BLTP1: variants seen among roughly 807,000 people sequenced by gnomAD.
The protein encoded by BLTP1 is fragile site-associated protein.
At chr4:122,357,928 A>C in the BLTP1 span, among the ~76,000 whole-genome samples, 1 of 152,212 alleles carries the variant, frequency 6.6e-6, no homozygotes, top group Admixed American at 6.6e-5. Context: ...CATACATTGA[A>C]ATGCTCTTTT....
At chr4:122,336,395 G>A in the BLTP1 span, 1 of 1,342,236 alleles carries the variant, frequency 7.5e-7, no homozygotes, top group South Asian at 1.6e-5. Context: ...CATATATTTT[G>A]GGATCTTATT....
chr4:122,237,523 G>GT, the BLTP1 span: 1 of 448,290 alleles, frequency 2.2e-6, no homozygotes, highest in Non-Finnish European at 2.9e-6. Flanking sequence ...CTTAAAATAA[G>GT]TAAATCCGAA....
chr4:122,269,893 A>G, the BLTP1 span, among the ~76,000 whole-genome samples: 8 of 152,244 alleles, frequency 5.3e-5, no homozygotes, highest in African/African-American at 1.9e-4. Flanking sequence ...TGCAGTGCCC[A>G]TGTCAGGCTT....
At chr4:122,190,178 C>T in the BLTP1 span, 1 of 1,418,274 alleles carries the variant, frequency 7.1e-7, no homozygotes, top group Non-Finnish European at 9.5e-7. Context: ...TCCACTATAC[C>T]CTTGACCTTC....
the BLTP1 span, among the ~76,000 whole-genome samples, chr4:122,178,656 C>T: frequency 6.6e-6 from 1 of 152,078 alleles, no homozygotes; most frequent in African/African-American, 2.4e-5. Context: ...ATTGTAAGAT[C>T]CTCCTCAACA....
the BLTP1 span, chr4:122,200,226 GATAA>G: frequency 8.1e-6 from 8 of 984,474 alleles, no homozygotes; most frequent in Non-Finnish European, 9.6e-6. Flanking sequence ...ATCTATTGCT[GATAA>G]ATAGTGCTGT....
chr4:122,217,155 T>TATTTGA, the BLTP1 span, among the ~76,000 whole-genome samples: 7 of 152,232 alleles, frequency 4.6e-5, no homozygotes, highest in African/African-American at 1.7e-4. Context: ...TGGCTGCAAG[T>TATTTGA]ATTTGGCTCC....
At chr4:122,247,114 ATTAT>A in the BLTP1 span, 2 of 1,568,928 alleles carry the variant, frequency 1.3e-6, no homozygotes, top group Admixed American at 3.4e-5. Context: ...TCTGAACTGT[ATTAT>A]TTAAATGTTA....
chr4:122,188,974 G>A, the BLTP1 span: 1 of 985,180 alleles, frequency 1.0e-6, no homozygotes, highest in South Asian at 4.7e-5. Context: ...GTGACTGTGG[G>A]TCTTCCTGGC....
the BLTP1 span, among the ~76,000 whole-genome samples, chr4:122,280,639 G>A: frequency 6.7e-6 from 1 of 148,728 alleles, no homozygotes; most frequent in African/African-American, 2.5e-5. Context: ...CTCCAGCCTG[G>A]GCAACAACAG....
the BLTP1 span, chr4:122,237,943 A>G: frequency 5.2e-6 from 4 of 774,700 alleles, no homozygotes; most frequent in Non-Finnish European, 7.5e-6. Flanking sequence ...AGATCGTGCC[A>G]CTGTATTCCA....
At chr4:122,304,430 C>T in the BLTP1 span, among the ~76,000 whole-genome samples, 5 of 152,126 alleles carry the variant, frequency 3.3e-5, no homozygotes, top group Non-Finnish European at 5.9e-5. Context: ...AGGGTGGTCT[C>T]GACCTCATGA....
At chr4:122,158,426 G>T in the BLTP1 span, among the ~76,000 whole-genome samples, 1 of 152,142 alleles carries the variant, frequency 6.6e-6, no homozygotes, top group African/African-American at 2.4e-5. Flanking sequence ...TAGAGAGATT[G>T]TAGTTAGCTC....
the BLTP1 span, chr4:122,257,341 A>G: frequency 6.2e-7 from 1 of 1,614,104 alleles, no homozygotes; most frequent in South Asian, 1.1e-5. Context: ...TGGTGACACC[A>G]GCCTTTAAAG....
chr4:122,336,093 G>A, the BLTP1 span: 2 of 880,152 alleles, frequency 2.3e-6, no homozygotes, highest in African/African-American at 1.7e-5. Context: ...GGCCTTAAAT[G>A]TGAGGTACTT....
chr4:122,336,391 T>A, the BLTP1 span: 1 of 1,367,428 alleles, frequency 7.3e-7, no homozygotes, highest in East Asian at 2.4e-5. Flanking sequence ...ATAACATATA[T>A]TTTGGGATCT....
the BLTP1 span, chr4:122,183,647 CA>C: frequency 1.1e-5 from 4 of 369,072 alleles, no homozygotes; most frequent in Non-Finnish European, 1.5e-5. Context: ...GTTACAATCA[CA>C]GGAATTTCTT....
At chr4:122,254,633 T>C in the BLTP1 span, 1 of 751,298 alleles carries the variant, frequency 1.3e-6, no homozygotes, top group African/African-American at 4.6e-5. Flanking sequence ...TTTTCTATTG[T>C]CCATTTTTTT....
At chr4:122,264,084 A>C in the BLTP1 span, 1 of 919,720 alleles carries the variant, frequency 1.1e-6, no homozygotes, top group Non-Finnish European at 1.3e-6. Context: ...CTAATAAATC[A>C]TGTCTGTAAA....
Sources: allele counts gnomAD v4.1 joint callset (sites outside exome capture counted in the v4.1 genomes callset), GRCh38; gene constraint gnomAD v4.1.1; transcripts MANE v1.5; gene names NCBI Gene and HGNC (gene_info 2026-07-23, HGNC 2026-07-21).